LMO7: variants seen among roughly 807,000 people sequenced by gnomAD.
LMO7 encodes the protein LIM domain 7.
In LMO7, 120 loss-of-function variants were observed where a neutral mutation model predicts 206.5. That is an observed-to-expected ratio of 0.58 (90% CI 0.50 to 0.68). The LOEUF is 0.68. LMO7 is among the 30% of genes least tolerant of loss of function. The pLI is 0.00. For missense variants in LMO7, 1,959 were observed against 1,957.9 expected, an observed-to-expected ratio of 1.00 and a Z score of -0.01; for synonymous variants, 706 against 681.5, an observed-to-expected ratio of 1.04 and a Z score of -0.56.
rs1324913664 is a variant in LMO7 at position 75,833,090 on chromosome 13, C to T, written c.2989C>T (p.Pro997Ser). Residue 997 changes from proline to serine, a missense_variant, in exon 16 of 31, where the codon CCT becomes TCT. Physicochemically the swap from Pro to Ser is moderately conservative, Grantham distance 74 (BLOSUM62 -1). Transcript: ENST00000377534. ...TATGAGAATCAGCATAAACCAGACG[C>T]CTGGGAAGAGTCTTGACTTTGGGTT... Reference protein sequence around the residue: ...SDMRISINQTPGKSLDFGFTI... With the variant: ...SDMRISINQTSGKSLDFGFTI... 1 of 1,611,634 alleles carries T rather than the reference C, an allele frequency of 6.2e-7. No homozygotes were observed. Among genetic ancestry groups the T allele is most frequent in the Non-Finnish European group, 8.5e-7 (1 of 1,177,956 alleles).
chr13:75,663,440 T>C (rs113784019), intron 1 of LMO7, among the ~76,000 whole-genome samples: 9 of 56,412 alleles, frequency 1.6e-4, no homozygotes, highest in Admixed American at 1.4e-4. Context: ...TTCTTTTTTT[T>C]TTTTTTTTGA....
intron 4 of LMO7, among the ~76,000 whole-genome samples, chr13:75,762,772 T>C (rs1319532406): frequency 2.0e-5 from 3 of 152,154 alleles, no homozygotes. Context: ...CCTGTGAGAA[T>C]GCCTGAGTGG....
intron 1 of LMO7, among the ~76,000 whole-genome samples, chr13:75,669,240 A>T (rs1244302670): frequency 6.6e-6 from 1 of 152,202 alleles, no homozygotes; most frequent in Non-Finnish European, 1.5e-5. Flanking sequence ...AACCCTCTGC[A>T]TTGTGAGTGT....
At chr13:75,835,968 A>G (rs1332331245) in intron 18 of LMO7, among the ~76,000 whole-genome samples, 1 of 152,192 alleles carries the variant, frequency 6.6e-6, no homozygotes, top group Non-Finnish European at 1.5e-5. Flanking sequence ...ACTAAATATT[A>G]TGCACTTATA....
intron 1 of LMO7, among the ~76,000 whole-genome samples, chr13:75,647,066 G>GGTGTGT (rs10617403): frequency 1.3e-5 from 2 of 151,014 alleles, no homozygotes; most frequent in Admixed American, 1.3e-4. Flanking sequence ...TATATACATA[G>GGTGTGT]GTGTGTGTGT....
intron 1 of LMO7, among the ~76,000 whole-genome samples, chr13:75,694,073 C>T (rs1355412156): frequency 6.6e-6 from 1 of 151,660 alleles, no homozygotes. Flanking sequence ...TGGGAGAATA[C>T]AGAAAAAGAT....
In LMO7 at chr13:75,848,963, A is replaced by T. The variant is rs2060246429; in HGVS notation, c.4151-116A>T. ...GATTATGGCCATTCTTGCAGGAGTA[A>T]GGTGGTATCACATTATGGTTTTGAT... On this transcript the variant is annotated intron_variant, in intron 26 of 30. Transcript: ENST00000377534. 7.8e-6 allele frequency: 5 copies of T among 643,826 alleles called. No individual in the cohort carries two copies. The East Asian group carries it at 1.4e-4, about 18-fold the overall frequency. The allele number at this position is 643,826 out of a possible 1,614,324, so 39.9% of individuals were successfully genotyped here.
chr13:75,717,969 T>G (rs973835152), intron 2 of LMO7, among the ~76,000 whole-genome samples: 1 of 152,266 alleles, frequency 6.6e-6, no homozygotes, highest in African/African-American at 2.4e-5. Context: ...TTCTTCACTT[T>G]CAAGTAATAT....
At chr13:75,641,698 AG>A (rs1433773420) in intron 1 of LMO7, among the ~76,000 whole-genome samples, 1 of 152,288 alleles carries the variant, frequency 6.6e-6, no homozygotes, top group East Asian at 1.9e-4. Context: ...TCTGTTGCCC[AG>A]GCTGGAGTGC....
intron 14 of LMO7, among the ~76,000 whole-genome samples, chr13:75,821,818 AAGT>A (rs1462543983): frequency 1.3e-5 from 2 of 152,206 alleles, no homozygotes; most frequent in African/African-American, 4.8e-5. Context: ...AATTCTGTGA[AAGT>A]AGGGCTGATA....
intron 1 of LMO7, among the ~76,000 whole-genome samples, chr13:75,666,274 G>A (rs989561968): frequency 2.6e-5 from 4 of 152,226 alleles, no homozygotes; most frequent in Non-Finnish European, 5.9e-5. Flanking sequence ...CAACGCATCA[G>A]TTGTGATTTT....
At chr13:75,679,403 C>T (rs1192490603) in intron 1 of LMO7, among the ~76,000 whole-genome samples, 1 of 152,192 alleles carries the variant, frequency 6.6e-6, no homozygotes, top group Non-Finnish European at 1.5e-5. Context: ...GTTGCTGAAA[C>T]TTGGAAACGA....
chr13:75,764,322 T>A (rs1180758116), intron 4 of LMO7, among the ~76,000 whole-genome samples: 2 of 152,126 alleles, frequency 1.3e-5, no homozygotes, highest in African/African-American at 4.8e-5. Context: ...TTACTAAACA[T>A]CCATACTGAG....
At chr13:75,740,110 A>G (rs2046295931) in intron 3 of LMO7, among the ~76,000 whole-genome samples, 1 of 152,198 alleles carries the variant, frequency 6.6e-6, no homozygotes, top group Non-Finnish European at 1.5e-5. Flanking sequence ...ATACTTAAGG[A>G]ATATTAGAAT....
At chr13:75,669,489 A>T (rs1367967280) in intron 1 of LMO7, among the ~76,000 whole-genome samples, 1 of 152,146 alleles carries the variant, frequency 6.6e-6, no homozygotes, top group African/African-American at 2.4e-5. Context: ...AGTAAATCGG[A>T]GATGCGAAGG....
intron 1 of LMO7, among the ~76,000 whole-genome samples, chr13:75,683,746 A>C (rs1040052216): frequency 3.3e-5 from 5 of 152,220 alleles, no homozygotes; most frequent in Non-Finnish European, 7.3e-5. Flanking sequence ...GGAGATATAC[A>C]TCAATACATG....
chr13:75,672,427 G>A lies in LMO7; in HGVS notation c.69+35701G>A, dbSNP rs559208527. On this transcript the variant is annotated intron_variant, in intron 1 of 30. Transcript: ENST00000377534. The stretch of plus-strand genomic sequence containing the variant: ...TGGCTAAATTTGTATTTTTAGTAGA[G>A]ACGGGGTTTCTTCATGTTGGCCAGG... Among the ~76,000 whole-genome samples the A allele has an allele frequency of 5.5e-4, 84 of 152,132 alleles. No individual in the cohort carries two copies. The Middle Eastern group carries it at 0.014, about 25-fold the overall frequency.
At chr13:75,855,519 C>T (rs958927744) in intron 29 of LMO7, 151 bp downstream of exon 29, 50 of 497,686 alleles carry the variant, frequency 1.0e-4, no homozygotes, top group African/African-American at 9.7e-5. Flanking sequence ...TTGCTTGCTC[C>T]TCCCTAGTTC....
chr13:75,675,906 ACACACACACACG>A (rs1260600768), intron 1 of LMO7, among the ~76,000 whole-genome samples: 1 of 130,942 alleles, frequency 7.6e-6, no homozygotes, highest in Non-Finnish European at 1.8e-5. Context: ...ACACACACAC[ACACACACACACG>A]TCATATACAC....
Sources: allele counts gnomAD v4.1 joint callset (sites outside exome capture counted in the v4.1 genomes callset), GRCh38; gene constraint gnomAD v4.1.1; transcripts MANE v1.5; gene names NCBI Gene and HGNC (gene_info 2026-07-23, HGNC 2026-07-21).